The following PLXNA2 variants were observed in gnomAD, a reference collection of about 807,000 sequenced individuals.
The protein encoded by PLXNA2 is plexin-A2.
A neutral mutation model predicts 193.5 loss-of-function variants in PLXNA2; 91 were observed. The observed-to-expected ratio is 0.47, with a 90% CI of 0.40 to 0.56. PLXNA2 has a LOEUF of 0.56. Among genes scored for constraint, PLXNA2 ranks in the 20% least tolerant of loss-of-function variants. PLXNA2 has a pLI of 0.00. For missense variants in PLXNA2, 1,995 were observed against 2,503.2 expected, an observed-to-expected ratio of 0.80 and a Z score of 4.33; for synonymous variants, 997 against 1,027.3, an observed-to-expected ratio of 0.97 and a Z score of 0.56.
chr1:208,237,332 T>C (rs540066944), intron 1 of PLXNA2, among the ~76,000 whole-genome samples: 1 of 152,318 alleles, frequency 6.6e-6, no homozygotes, highest in Admixed American at 6.5e-5. Context: ...TAAGAGTAGA[T>C]GCATAATAGC....
intron 1 of PLXNA2, among the ~76,000 whole-genome samples, chr1:208,219,398 G>A (rs956044822): frequency 4.6e-5 from 7 of 152,174 alleles, no homozygotes; most frequent in African/African-American, 1.2e-4. Flanking sequence ...AAGTGACTGC[G>A]GCACCAGGAG....
intron 4 of PLXNA2, among the ~76,000 whole-genome samples, chr1:208,123,484 C>A (rs899876552): frequency 2.0e-5 from 3 of 152,138 alleles, no homozygotes; most frequent in Admixed American, 2.0e-4. Flanking sequence ...CTTTTGCACC[C>A]TCCACACACC....
At chr1:208,193,589 A>C (rs1333740363) in intron 3 of PLXNA2, among the ~76,000 whole-genome samples, 1 of 152,232 alleles carries the variant, frequency 6.6e-6, no homozygotes, top group Non-Finnish European at 1.5e-5. Flanking sequence ...CCAATGAATA[A>C]GTTTAAGAAT....
At chr1:208,123,876 A>G (rs896014890) in intron 4 of PLXNA2, among the ~76,000 whole-genome samples, 1 of 152,214 alleles carries the variant, frequency 6.6e-6, no homozygotes, top group Non-Finnish European at 1.5e-5. Flanking sequence ...CCTTTCTTCT[A>G]TAACTGAAGT....
In PLXNA2 at chr1:208,051,388, G is replaced by A. The variant is rs749030516; in HGVS notation, c.3029C>T (p.Pro1010Leu). The change falls in exon 16 of 32, where the codon CCA (proline) becomes CTA (leucine). Residue 1010 changes from proline to leucine, a missense_variant. Physicochemically the swap from Pro to Leu is moderately conservative, Grantham distance 98. Transcript: ENST00000367033. ...SMSEIVCVSP[P>L]SSNGLGPVPV... ...GACCGGGCCAAGGCCATTGGATGAT[G>A]GGGGTGAGACACACACGATCTCACT... 57 of 1,612,552 alleles carry A rather than the reference G, an allele frequency of 3.5e-5. No homozygotes were observed. Among genetic ancestry groups the A allele is most frequent in the Admixed American group, 6.7e-5 (4 of 59,576 alleles).
intron 3 of PLXNA2, chr1:208,209,895 C>T (rs970862991): frequency 8.0e-6 from 2 of 250,290 alleles, no homozygotes; most frequent in East Asian, 1.2e-4. Flanking sequence ...ATCAAGTTTA[C>T]AGGTTCTAGG....
intron 4 of PLXNA2, among the ~76,000 whole-genome samples, chr1:208,110,275 G>A (rs933894912): frequency 6.6e-6 from 1 of 152,242 alleles, no homozygotes; most frequent in Non-Finnish European, 1.5e-5. Context: ...ACCACTTTCT[G>A]TCCTTCAGCA....
intron 17 of PLXNA2, among the ~76,000 whole-genome samples, chr1:208,047,555 CCT>C (rs1388106506): frequency 6.6e-6 from 1 of 152,194 alleles, no homozygotes; most frequent in Non-Finnish European, 1.5e-5. Context: ...ACTCCTACTC[CCT>C]CTCTGCCTGG....
chr1:208,242,304 C>T (rs1672083302), intron 1 of PLXNA2, among the ~76,000 whole-genome samples: 1 of 152,132 alleles, frequency 6.6e-6, no homozygotes, highest in African/African-American at 2.4e-5. Flanking sequence ...GAGAGCTAAA[C>T]CTGACTCCTG....
In PLXNA2 at chr1:208,044,784, G is replaced by A; in HGVS notation, c.3640-42C>T. Reference sequence around the variant, plus strand: ...TACAGACGCACATGGATGCACACAGGTGTAGAGCCCGGGCATGCCAGCAGA... The same window carrying A: ...TACAGACGCACATGGATGCACACAGATGTAGAGCCCGGGCATGCCAGCAGA... On this transcript the variant is annotated intron_variant, in intron 19 of 31. Transcript: ENST00000367033. The surrounding 1 kb of genome is among the most constrained non-coding windows in gnomAD (Gnocchi z 4.9). 2 of 1,489,370 alleles carry A rather than the reference G, an allele frequency of 1.3e-6. No homozygotes were observed. Among genetic ancestry groups the A allele is most frequent in the Non-Finnish European group, 1.9e-6 (2 of 1,076,138 alleles). The allele number at this position is 1,489,370 out of a possible 1,614,324, so 92.3% of individuals were successfully genotyped here.
At chr1:208,148,729 C>T (rs1668670570) in intron 3 of PLXNA2, among the ~76,000 whole-genome samples, 1 of 152,102 alleles carries the variant, frequency 6.6e-6, no homozygotes, top group African/African-American at 2.4e-5. Context: ...AGGGGTCACC[C>T]CTTGTGAGAA....
rs1447547714 is a variant in PLXNA2 at position 208,217,925 on chromosome 1, T to C, written c.-3A>G. The C allele has an allele frequency of 8.1e-6, 13 of 1,607,824 alleles. No individual in the cohort carries two copies. Among genetic ancestry groups the C allele is most frequent in the Non-Finnish European group, 1.0e-5 (12 of 1,179,882 alleles). ...GGCCAGGGCCGCCTCTGTTCCATGC[T>C]GAGAGGGGCGGCGGTGAGGAGACGG... On this transcript the variant is annotated 5_prime_UTR_variant, in exon 2 of 32. Transcript: ENST00000367033. This position sits in a 1 kb window ranked among gnomAD's most constrained non-coding sequence, Gnocchi z 4.7.
At chr1:208,076,057 C>CA (rs750601110) in intron 12 of PLXNA2, among the ~76,000 whole-genome samples, 3,769 of 58,930 alleles carry the variant, frequency 0.064, 91 homozygotes, top group East Asian at 0.18. Flanking sequence ...GACCCTGTCT[C>CA]AAAAAAAAAA....
rs1392076499 is a variant in PLXNA2, at chr1:208,031,646, C to T, written c.5169G>A (p.Gln1723=). The T allele has an allele frequency of 3.1e-6, 5 of 1,613,870 alleles. No homozygotes were observed. The highest frequency in any genetic ancestry group is 1.6e-4 in the Middle Eastern group (1 of 6,084). The change falls in exon 29 of 32, where the codon CAG becomes CAA. Residue 1723 remains glutamine (Q), a synonymous_variant. Transcript: ENST00000367033. ...IKYMFDFLDE[Q]ADRHSIHDTD... ...TGTCATGGATGCTGTGCCTGTCTGC[C>T]TGCTCATCTAGGAAATCAAACATGT...
chr1:208,214,270 G>A (rs1671055094), intron 2 of PLXNA2, among the ~76,000 whole-genome samples: 1 of 152,046 alleles, frequency 6.6e-6, no homozygotes, highest in East Asian at 1.9e-4. Context: ...TTATGTTCCA[G>A]GTATTGTGCT....
intron 3 of PLXNA2, among the ~76,000 whole-genome samples, chr1:208,205,118 C>G (rs879615301): frequency 1.3e-5 from 2 of 152,238 alleles, no homozygotes; most frequent in Non-Finnish European, 2.9e-5. Context: ...TTCCATTGTC[C>G]TGGCATCTTT....
At chr1:208,031,227 G>A in intron 29 of PLXNA2, 11 of 1,079,344 alleles carry the variant, frequency 1.0e-5, no homozygotes, top group Non-Finnish European at 1.2e-5. Context: ...GTGAAGCTCT[G>A]CTGCAGGCTT....
chr1:208,206,155 T>C (rs1397914036), intron 3 of PLXNA2, among the ~76,000 whole-genome samples: 1 of 152,234 alleles, frequency 6.6e-6, no homozygotes, highest in African/African-American at 2.4e-5. Context: ...AGCTGTTCTA[T>C]GTCCTGCTTT....
chr1:208,180,856 A>G (rs1669820123), intron 3 of PLXNA2, among the ~76,000 whole-genome samples: 1 of 152,206 alleles, frequency 6.6e-6, no homozygotes, highest in Admixed American at 6.5e-5. Flanking sequence ...GACTGTGATG[A>G]GGGAAATGGG....
Sources: gnomAD v4.1 joint callset for allele counts (sites outside exome capture counted in the v4.1 genomes callset) on GRCh38, gnomAD v4.1.1 for gene constraint, Gnocchi (gnomAD v3.1) non-coding constraint, MANE v1.5 for transcripts, NCBI Gene and HGNC (gene_info 2026-07-23, HGNC 2026-07-21) for gene names.